Variants in LNX1 observed in about 807,000 individuals in gnomAD.
LNX1 encodes E3 ubiquitin-protein ligase LNX.
A neutral mutation model predicts 68.4 loss-of-function variants in LNX1; 54 were observed. The ratio of observed to expected loss-of-function variants is 0.79; its 90% confidence interval spans 0.63 to 0.99. The LOEUF (loss-of-function observed/expected upper bound fraction) is 0.99. LNX1 is among the 50% of genes least tolerant of loss of function. The pLI is 0.00. For missense variants in LNX1, 906 were observed against 926.4 expected (o/e 0.98, Z 0.29); for synonymous variants, 336 against 350.0 (o/e 0.96, Z 0.45).
At chr4:53,463,486 A>AT (rs1722362356) in intron 9 of LNX1, among the ~76,000 whole-genome samples, 1 of 151,966 alleles carries the variant, frequency 6.6e-6, no homozygotes, top group East Asian at 1.9e-4. Context: ...CTTTGTGGGC[A>AT]TTTTTTTCTT....
At chr4:53,583,716 G>T (rs1259749700) in intron 1 of LNX1, among the ~76,000 whole-genome samples, 1 of 152,164 alleles carries the variant, frequency 6.6e-6, no homozygotes, top group African/African-American at 2.4e-5. Flanking sequence ...TAAGCGAAAA[G>T]AGTCCCAAGT....
chr4:53,546,213 T>C (rs1189605864), intron 2 of LNX1, among the ~76,000 whole-genome samples: 1 of 152,210 alleles, frequency 6.6e-6, no homozygotes, highest in Non-Finnish European at 1.5e-5. Flanking sequence ...CTCTTAGAAT[T>C]AGATAAAAAT....
chr4:53,607,701 C>T (rs1222515250), intron 2 of LNX1, among the ~76,000 whole-genome samples: 1 of 152,174 alleles, frequency 6.6e-6, no homozygotes, highest in African/African-American at 2.4e-5. Context: ...CTGGAGGCAT[C>T]ATATTACCCA....
At chr4:53,579,934 T>A (rs1731728113) in intron 1 of LNX1, among the ~76,000 whole-genome samples, 1 of 152,228 alleles carries the variant, frequency 6.6e-6, no homozygotes, top group Non-Finnish European at 1.5e-5. Flanking sequence ...CTGAAATTGT[T>A]GCCTGAGTCA....
intron 1 of LNX1, among the ~76,000 whole-genome samples, chr4:53,627,583 C>T (rs545987222): frequency 6.6e-6 from 1 of 152,164 alleles, no homozygotes; most frequent in South Asian, 2.1e-4. Context: ...TGAATCCTGT[C>T]AAATGAAAGA....
chr4:53,547,390 T>A (rs1729184778), intron 2 of LNX1, among the ~76,000 whole-genome samples: 1 of 152,152 alleles, frequency 6.6e-6, no homozygotes, highest in South Asian at 2.1e-4. Context: ...TTATTCCCAT[T>A]TATAGGTGAG....
At chr4:53,473,480 A>T (rs1378860115) in intron 9 of LNX1, among the ~76,000 whole-genome samples, 1 of 152,232 alleles carries the variant, frequency 6.6e-6, no homozygotes, top group African/African-American at 2.4e-5. Context: ...CATAAAGAAG[A>T]ACAAGATCAT....
chr4:53,575,676 A>AC, intron 1 of LNX1: 1 of 1,382,056 alleles, frequency 7.2e-7, no homozygotes. Context: ...TCTGGGACCC[A>AC]CCCCCTGGGC....
chr4:53,490,917 A>AT (rs146022876), intron 6 of LNX1, among the ~76,000 whole-genome samples: 2,330 of 151,358 alleles, frequency 0.015, 25 homozygotes, highest in Middle Eastern at 0.061. Flanking sequence ...CTTTGCTCCC[A>AT]TTTTTTTTTA....
chr4:53,467,895 G>A, intron 9 of LNX1, among the ~76,000 whole-genome samples: 1 of 152,198 alleles, frequency 6.6e-6, no homozygotes, highest in Non-Finnish European at 1.5e-5. Flanking sequence ...GAGGAGAATG[G>A]AACCAAGTTG....
At chr4:53,610,715 G>GAAAAAAAAAAA (rs10553873) in intron 2 of LNX1, among the ~76,000 whole-genome samples, 18 of 112,532 alleles carry the variant, frequency 1.6e-4, no homozygotes, top group East Asian at 1.1e-3. Flanking sequence ...TCTCAAAGAG[G>GAAAAAAAAAAA]AAAAAAAAAA....
intron 2 of LNX1, among the ~76,000 whole-genome samples, chr4:53,555,110 C>T (rs949950276): frequency 6.6e-5 from 10 of 152,122 alleles, no homozygotes; most frequent in African/African-American, 2.2e-4. Flanking sequence ...GGAGGAAGCC[C>T]AGCAGATCCC....
intron 6 of LNX1, among the ~76,000 whole-genome samples, chr4:53,492,782 A>C (rs997996305): frequency 1.3e-5 from 2 of 152,028 alleles, no homozygotes; most frequent in African/African-American, 4.8e-5. Flanking sequence ...CCTAGGGGAG[A>C]GCACGTTGGG....
At chr4:53,588,389 C>CTAT (rs1336269383) in intron 1 of LNX1, among the ~76,000 whole-genome samples, 1 of 152,162 alleles carries the variant, frequency 6.6e-6, no homozygotes, top group African/African-American at 2.4e-5. Flanking sequence ...CATGATAACC[C>CTAT]TATTACACAG....
At chr4:53,528,686 G>GAA (rs1727802501) in intron 2 of LNX1, among the ~76,000 whole-genome samples, 1 of 151,482 alleles carries the variant, frequency 6.6e-6, no homozygotes, top group Admixed American at 6.6e-5. Context: ...GATAAGGGGG[G>GAA]GACTACTGTA....
intron 1 of LNX1, among the ~76,000 whole-genome samples, chr4:53,583,966 A>AACG (rs1560681033): frequency 6.6e-6 from 1 of 150,620 alleles, no homozygotes; most frequent in East Asian, 1.9e-4. Context: ...CAACAACAAC[A>AACG]ACAACAACGA....
intron 4 of LNX1, among the ~76,000 whole-genome samples, chr4:53,506,583 G>A (rs1051981432): frequency 9.9e-5 from 15 of 152,038 alleles, no homozygotes; most frequent in African/African-American, 3.1e-4. Context: ...CGCCAGGTGC[G>A]GTGGCTCATG....
intron 6 of LNX1, among the ~76,000 whole-genome samples, chr4:53,487,048 C>T (rs7688853): frequency 0.39 from 59,549 of 152,062 alleles, 12,210 homozygotes; most frequent in South Asian, 0.59. Flanking sequence ...CAGCCTGCAA[C>T]TGACTCTTTC....
At chr4:53,608,343 G>T (rs1733314906) in intron 2 of LNX1, among the ~76,000 whole-genome samples, 1 of 152,162 alleles carries the variant, frequency 6.6e-6, no homozygotes, top group African/African-American at 2.4e-5. Context: ...CATACAAGCA[G>T]TCAACAATCA....
Sources: gnomAD v4.1 joint callset for allele counts (sites outside exome capture counted in the v4.1 genomes callset) on GRCh38, gnomAD v4.1.1 for gene constraint, MANE v1.5 for transcripts, NCBI Gene and HGNC (gene_info 2026-07-23, HGNC 2026-07-21) for gene names.